The following NEGR1 variants were observed in gnomAD, a reference collection of about 807,000 sequenced individuals.
The protein encoded by NEGR1 is neuronal growth regulator 1, also known as IgLON family member 4.
In NEGR1, 10 loss-of-function variants were observed where a neutral mutation model predicts 40.9. The observed-to-expected ratio is 0.24, with a 90% confidence interval of 0.15 to 0.42. The LOEUF (loss-of-function observed/expected upper bound fraction) is 0.42. NEGR1 is among the 10% of genes least tolerant of loss of function. NEGR1 has a pLI of 1.00. For synonymous variants in NEGR1, 185 were observed against 166.8 expected (o/e 1.11, Z -0.84); for missense variants, 352 against 438.9 (o/e 0.80, Z 1.77).
intron 1 of NEGR1, among the ~76,000 whole-genome samples, chr1:72,099,035 A>G (rs1648827339): frequency 6.6e-6 from 1 of 151,972 alleles, no homozygotes; most frequent in Admixed American, 6.6e-5. Flanking sequence ...GACTTTTAAT[A>G]ATTCATTTAA....
chr1:71,814,172 A>G (rs2101766556), intron 2 of NEGR1, among the ~76,000 whole-genome samples: 1 of 152,176 alleles, frequency 6.6e-6, no homozygotes, highest in Middle Eastern at 3.4e-3. Context: ...TCTTTCCTGA[A>G]TCTGTTGAGA....
At chr1:71,952,957 GAA>G (rs3061534) in intron 1 of NEGR1, among the ~76,000 whole-genome samples, 70 of 123,814 alleles carry the variant, frequency 5.7e-4, no homozygotes, top group African/African-American at 1.5e-3. Flanking sequence ...TACTGCTCAG[GAA>G]AAAAAAAAAA....
At chr1:71,653,433 A>G (rs1651780026) in intron 4 of NEGR1, among the ~76,000 whole-genome samples, 1 of 152,028 alleles carries the variant, frequency 6.6e-6, no homozygotes, top group African/African-American at 2.4e-5. Flanking sequence ...TTCTTAGCCA[A>G]CTCTGTGTAT....
At chr1:72,050,948 A>G (rs1399249587) in intron 1 of NEGR1, among the ~76,000 whole-genome samples, 1 of 151,500 alleles carries the variant, frequency 6.6e-6, no homozygotes, top group Non-Finnish European at 1.5e-5. Context: ...TTGGAATCAT[A>G]TTCCCCAGTC....
intron 1 of NEGR1, among the ~76,000 whole-genome samples, chr1:72,088,784 T>TTCTC: frequency 7.3e-6 from 1 of 136,432 alleles, no homozygotes; most frequent in African/African-American, 2.9e-5. Flanking sequence ...TATAATGTAG[T>TTCTC]TCTCTCTCTC....
At chr1:71,723,737 T>C (rs1387255458) in intron 3 of NEGR1, among the ~76,000 whole-genome samples, 2 of 152,084 alleles carry the variant, frequency 1.3e-5, no homozygotes, top group East Asian at 1.9e-4. Context: ...CTCCAGGAAA[T>C]TACAGAACCA....
intron 1 of NEGR1, among the ~76,000 whole-genome samples, chr1:72,053,193 A>G (rs559771669): frequency 1.3e-5 from 2 of 151,322 alleles, no homozygotes; most frequent in Non-Finnish European, 3.0e-5. Context: ...AAATGCAAAT[A>G]AACATACCCT....
Position 71,395,979 on chromosome 1 carries a change from A to ATCAC in NEGR1, c.*11466_*11467insGTGA, listed in dbSNP as rs1646208973. ...AGCCTTTATTCATATCACTAATTGT[A>ATCAC]ATATGTACTAATTGTAAATGTGGAA... On this transcript the variant is annotated 3_prime_UTR_variant, in exon 7 of 7. Transcript: ENST00000357731. 2 of 152,312 alleles carry ATCAC rather than the reference A, an allele frequency of 1.3e-5. No individual in the cohort carries two copies. The highest frequency in any genetic ancestry group is 4.1e-4 in the South Asian group (2 of 4,826). The allele number at this position is 152,312 out of a possible 1,614,324, so 9.4% of individuals were successfully genotyped here. A position where few individuals can be genotyped will look rare whatever the true frequency, so the allele number is the denominator to read the frequency against.
chr1:71,796,706 T>C (rs565112810), intron 2 of NEGR1, among the ~76,000 whole-genome samples: 1 of 152,292 alleles, frequency 6.6e-6, no homozygotes, highest in Non-Finnish European at 1.5e-5. Flanking sequence ...ACAGGTATTA[T>C]GCTCCCTTAA....
intron 1 of NEGR1, among the ~76,000 whole-genome samples, chr1:71,969,824 C>T (rs1436219889): frequency 2.0e-5 from 3 of 152,200 alleles, no homozygotes; most frequent in Non-Finnish European, 4.4e-5. Context: ...AAGATGATGA[C>T]ATCAAGTCAT....
intron 1 of NEGR1, among the ~76,000 whole-genome samples, chr1:72,002,959 T>A (rs1646570825): frequency 6.6e-6 from 1 of 152,170 alleles, no homozygotes; most frequent in Non-Finnish European, 1.5e-5. Context: ...GGGAGGTTAT[T>A]AACATTTGGG....
At chr1:72,020,528 C>T (rs918093261) in intron 1 of NEGR1, among the ~76,000 whole-genome samples, 3 of 152,036 alleles carry the variant, frequency 2.0e-5, no homozygotes, top group Non-Finnish European at 2.9e-5. Context: ...CACAGATCAG[C>T]CTTATGCTAT....
intron 4 of NEGR1, among the ~76,000 whole-genome samples, chr1:71,658,245 T>C (rs1256439103): frequency 1.3e-5 from 2 of 152,214 alleles, no homozygotes; most frequent in Non-Finnish European, 2.9e-5. Flanking sequence ...CGTATAGCAA[T>C]TGCCATAAGT....
At chr1:71,449,903 T>TA (rs1646613064) in intron 6 of NEGR1, among the ~76,000 whole-genome samples, 1 of 152,172 alleles carries the variant, frequency 6.6e-6, no homozygotes, top group African/African-American at 2.4e-5. Context: ...TTGAGTGATA[T>TA]AAGCCAGGAA....
chr1:72,048,975 A>G (rs1296405632), intron 1 of NEGR1, among the ~76,000 whole-genome samples: 1 of 151,564 alleles, frequency 6.6e-6, no homozygotes, highest in Non-Finnish European at 1.5e-5. Context: ...AGTTATGCAT[A>G]GTTGTATTAA....
intron 6 of NEGR1, among the ~76,000 whole-genome samples, chr1:71,432,164 C>T (rs1410138963): frequency 6.6e-6 from 1 of 151,990 alleles, no homozygotes; most frequent in Admixed American, 6.6e-5. Context: ...GTGACATGTT[C>T]TAAATATATC....
chr1:71,853,822 C>T (rs1045106712), intron 2 of NEGR1, among the ~76,000 whole-genome samples: 6 of 152,230 alleles, frequency 3.9e-5, no homozygotes, highest in East Asian at 1.9e-4. Flanking sequence ...GACAGGATTA[C>T]ATTTATAAAG....
chr1:71,434,842 A>AGCACTTTGGGAGGCCAAGGCGG (rs1184364959), intron 6 of NEGR1, among the ~76,000 whole-genome samples: 2 of 152,226 alleles, frequency 1.3e-5, no homozygotes, highest in East Asian at 1.9e-4. Context: ...CTGTAATCCC[A>AGCACTTTGGGAGGCCAAGGCGG]GCACTTTGGG....
In NEGR1 at chr1:71,894,919, C is replaced by CA. The variant is rs1203053446; in HGVS notation, c.409+40159dup. Among the ~76,000 whole-genome samples the CA allele has an allele frequency of 1.8e-4, 28 of 151,604 alleles. No homozygotes were observed. The South Asian group carries it at 6.0e-3, about 32-fold the overall frequency. The stretch of plus-strand genomic sequence containing the variant: ...GGGCAACACAGTGAGACTCCATCTC[C>CA]AAATTTTTTTTTTTTTAAAAGGAAG... On this transcript the variant is annotated intron_variant, in intron 2 of 6. Coordinates refer to ENST00000357731, the MANE Select transcript of NEGR1 (RefSeq NM_173808.3).
Sources: allele counts gnomAD v4.1 joint callset (sites outside exome capture counted in the v4.1 genomes callset), GRCh38; gene constraint gnomAD v4.1.1; transcripts MANE v1.5; gene names NCBI Gene and HGNC (gene_info 2026-07-23, HGNC 2026-07-21).